Variants in NAA30 observed in about 807,000 individuals in gnomAD.
The protein encoded by NAA30 is N-alpha-acetyltransferase 30, NatC catalytic subunit.
In NAA30, 5 loss-of-function variants were observed where a neutral mutation model predicts 31.4. The ratio of observed to expected loss-of-function variants is 0.16; its 90% confidence interval spans 0.08 to 0.33. NAA30 has a LOEUF of 0.33. Among genes scored for constraint, NAA30 ranks in the 10% least tolerant of loss-of-function variants. The pLI is 1.00. For missense variants in NAA30, 428 were observed against 490.8 expected, an observed-to-expected ratio of 0.87 and a Z score of 1.21; for synonymous variants, 222 against 207.1, an observed-to-expected ratio of 1.07 and a Z score of -0.62.
chr14:57,412,892 A>G lies in NAA30; in HGVS notation c.*3376A>G, dbSNP rs573925222. ...AAGAGTTACGGGGAAGAAGTATTAC[A>G]TAATTGTCATCACTGTTGTGTGTTC... On this transcript the variant is annotated 3_prime_UTR_variant, in exon 5 of 5. Coordinates refer to ENST00000556492, the MANE Select transcript of NAA30 (RefSeq NM_001011713.3). 311 of 152,346 alleles carry G rather than the reference A, an allele frequency of 2.0e-3. 1 individual carries two copies. The highest frequency in any genetic ancestry group is 6.8e-3 in the African/African-American group (281 of 41,580). 9.4% of individuals were successfully genotyped at this position (152,346 alleles called of 1,614,324 possible). A position where few individuals can be genotyped will look rare whatever the true frequency, so the allele number is the denominator to read the frequency against.
Position 57,391,751 on chromosome 14 carries a change from G to C in NAA30, c.771+23G>C, listed in dbSNP as rs780899796. ...TTGGTAAGTGGATAGAATAAAAAGA[G>C]GGTGAACCCAGCAGTGATCGAGACT... On this transcript the variant is annotated intron_variant, in intron 2 of 4. Transcript: ENST00000556492. The surrounding 1 kb of genome is among the most constrained non-coding windows in gnomAD (Gnocchi z 4.1). 3 of 1,572,972 alleles carry C rather than the reference G, an allele frequency of 1.9e-6. No homozygotes were observed. Among genetic ancestry groups the C allele is most frequent in the East Asian group, 2.2e-5 (1 of 44,670 alleles).
In NAA30 at chr14:57,391,984, C is replaced by T. The variant is rs994624405; in HGVS notation, c.771+256C>T. Reference sequence around the variant, plus strand: ...TGGCGTGTTTCACTGGGGTGGGGGTCTTGTGTCTTGTTTACATTAGATTAT... The same window carrying T: ...TGGCGTGTTTCACTGGGGTGGGGGTTTTGTGTCTTGTTTACATTAGATTAT... On this transcript the variant is annotated intron_variant, in intron 2 of 4. Transcript: ENST00000556492. The surrounding 1 kb of genome is among the most constrained non-coding windows in gnomAD (Gnocchi z 4.1). 6.6e-6 allele frequency among the ~76,000 whole-genome samples: 1 copy of T among 152,064 alleles called. No individual in the cohort carries two copies. Among genetic ancestry groups the T allele is most frequent in the African/African-American group, 2.4e-5 (1 of 41,392 alleles).
At chr14:57,400,897 T>G (rs11620752) in intron 4 of NAA30, among the ~76,000 whole-genome samples, 107,202 of 141,114 alleles carry the variant, frequency 0.76, 42,392 homozygotes, top group Admixed American at 0.88. Context: ...TTTTTTTTTG[T>G]TTTTTTTTTG....
At position 57,412,172 on chromosome 14, in the gene NAA30, G is replaced by T. The variant is rs1184449865; in HGVS notation, c.*2656G>T. 1 of 152,076 alleles carries T rather than the reference G, an allele frequency of 6.6e-6. No individual in the cohort carries two copies. Among genetic ancestry groups the T allele is most frequent in the Non-Finnish European group, 1.5e-5 (1 of 67,988 alleles). 9.4% of individuals were successfully genotyped at this position (152,076 alleles called of 1,614,324 possible). On this transcript the variant is annotated 3_prime_UTR_variant, in exon 5 of 5. Coordinates refer to ENST00000556492, the MANE Select transcript of NAA30 (RefSeq NM_001011713.3). The stretch of plus-strand genomic sequence containing the variant: ...ATTGGGATGAAACTACTTTAGCAAA[G>T]TCCACAGATCAGAAACCAGACGGTA...
chr14:57,404,003 TTTTGTTTTGTTTG>T (rs1042901055), intron 4 of NAA30, among the ~76,000 whole-genome samples: 15 of 152,130 alleles, frequency 9.9e-5, no homozygotes, highest in African/African-American at 3.4e-4. Flanking sequence ...TTTTGTTTTG[TTTTGTTTTGTTTG>T]TTTGTTTTGT....
chr14:57,401,619 G>A (rs2066477551), intron 4 of NAA30, among the ~76,000 whole-genome samples: 1 of 152,198 alleles, frequency 6.6e-6, no homozygotes, highest in African/African-American at 2.4e-5. Flanking sequence ...AATAGATCAT[G>A]TTTTGATCTT....
At chr14:57,396,979 C>A in intron 3 of NAA30, 104 bp downstream of exon 3, 2 of 1,107,374 alleles carry the variant, frequency 1.8e-6, no homozygotes, top group Non-Finnish European at 2.5e-6. Context: ...ATGAAAGAAA[C>A]TAAGGGAAGA....
At chr14:57,403,949 A>G (rs565834826) in intron 4 of NAA30, among the ~76,000 whole-genome samples, 2 of 152,300 alleles carry the variant, frequency 1.3e-5, no homozygotes, top group South Asian at 4.1e-4. Context: ...TTTTTAAGCC[A>G]TTGATATCCT....
chr14:57,401,823 TTTA>T (rs1385529154), intron 4 of NAA30, among the ~76,000 whole-genome samples: 1 of 152,216 alleles, frequency 6.6e-6, no homozygotes, highest in African/African-American at 2.4e-5. Context: ...TATGAAGATT[TTTA>T]TTGTTTTGGT....
At chr14:57,397,599 AC>A (rs992477778) in intron 3 of NAA30, among the ~76,000 whole-genome samples, 3 of 152,122 alleles carry the variant, frequency 2.0e-5, no homozygotes, top group Non-Finnish European at 4.4e-5. Flanking sequence ...GGGTTAGATA[AC>A]TTTTGTCATT....
At chr14:57,395,487 C>G (rs1044622862) in intron 2 of NAA30, among the ~76,000 whole-genome samples, 4 of 152,128 alleles carry the variant, frequency 2.6e-5, no homozygotes, top group South Asian at 2.1e-4. Context: ...TTCTTACTGA[C>G]ACATTATTTA....
intron 4 of NAA30, among the ~76,000 whole-genome samples, chr14:57,401,799 G>T (rs2066478635): frequency 6.6e-6 from 1 of 152,206 alleles, no homozygotes; most frequent in African/African-American, 2.4e-5. Context: ...TTCATGTAAA[G>T]ATGTCAGGAA....
intron 2 of NAA30, 137 bp from the exon 3 acceptor site, chr14:57,396,615 T>G: frequency 1.3e-6 from 1 of 755,354 alleles, no homozygotes; most frequent in Non-Finnish European, 2.2e-6. Flanking sequence ...GAAACTTCTG[T>G]GACTGCTGTC....
At chr14:57,404,358 T>G (rs532383659) in intron 4 of NAA30, among the ~76,000 whole-genome samples, 1 of 152,120 alleles carries the variant, frequency 6.6e-6, no homozygotes, top group Non-Finnish European at 1.5e-5. Context: ...GGTCGATTAC[T>G]GTGAATATGA....
chr14:57,390,653 G>C lies in NAA30; in HGVS notation c.-54G>C, dbSNP rs920913027. 5.4e-6 allele frequency: 2 copies of C among 368,232 alleles called. No homozygotes were observed. Among genetic ancestry groups the C allele is most frequent in the Non-Finnish European group, 9.7e-6 (2 of 207,176 alleles). The allele number at this position is 368,232 out of a possible 1,614,324, so 22.8% of individuals were successfully genotyped here. On this transcript the variant is annotated 5_prime_UTR_variant, in exon 1 of 5. Coordinates refer to ENST00000556492, the MANE Select transcript of NAA30 (RefSeq NM_001011713.3). ...CTGCCGCGGCTGCGAAGGAGGCGGC[G>C]GCGGTGGCGGAGGAAGAGGAGTGGC...
In NAA30 at chr14:57,414,294, A is replaced by G. The variant is rs2066537740; in HGVS notation, c.*4778A>G. The G allele has an allele frequency of 6.6e-6, 1 of 152,238 alleles. No individual in the cohort carries two copies. Among genetic ancestry groups the G allele is most frequent in the Non-Finnish European group, 1.5e-5 (1 of 68,042 alleles). The allele number at this position is 152,238 out of a possible 1,614,324, so 9.4% of individuals were successfully genotyped here. A position where few individuals can be genotyped will look rare whatever the true frequency, so the allele number is the denominator to read the frequency against. ...GCAAGAGTATAGCTGAACTGTTTATACTGACAATATATTTCATTAATACAG... is the reference window on the plus strand; with the variant it reads ...GCAAGAGTATAGCTGAACTGTTTATGCTGACAATATATTTCATTAATACAG... On this transcript the variant is annotated 3_prime_UTR_variant, in exon 5 of 5. Coordinates refer to ENST00000556492, the MANE Select transcript of NAA30 (RefSeq NM_001011713.3).
Position 57,391,146 on chromosome 14 carries a change from G to C in NAA30, c.189G>C (p.Thr63=). Reference sequence around the variant, plus strand: ...GCCCGGCGGGCGGAGAGTCGGCGACGGTGGCGGCCAAGGGGCATCCGTGCC... The same window carrying C: ...GCCCGGCGGGCGGAGAGTCGGCGACCGTGGCGGCCAAGGGGCATCCGTGCC... ...SRSPAGGESA[T]VAAKGHPCLR... Residue 63 remains threonine (T), a synonymous_variant, in exon 2 of 5, where the codon ACG becomes ACC. Coordinates refer to ENST00000556492, the MANE Select transcript of NAA30 (RefSeq NM_001011713.3). This position sits in a 1 kb window ranked among gnomAD's most constrained non-coding sequence, Gnocchi z 4.1. 1 of 1,590,980 alleles carries C rather than the reference G, an allele frequency of 6.3e-7. No homozygotes were observed.
chr14:57,412,963 G>T lies in NAA30; in HGVS notation c.*3447G>T, dbSNP rs955834689. On this transcript the variant is annotated 3_prime_UTR_variant, in exon 5 of 5. Transcript: ENST00000556492. ...TAACATGAACTTGATTTTTCTAAAAGTACTCAGTCAACTCATATGTCAGTT... is the reference window on the plus strand; with the variant it reads ...TAACATGAACTTGATTTTTCTAAAATTACTCAGTCAACTCATATGTCAGTT... 1 of 152,182 alleles carries T rather than the reference G, an allele frequency of 6.6e-6. No homozygotes were observed. Among genetic ancestry groups the T allele is most frequent in the East Asian group, 1.9e-4 (1 of 5,202 alleles). 9.4% of individuals were successfully genotyped at this position (152,182 alleles called of 1,614,324 possible).
chr14:57,407,634 G>C (rs954402959), intron 4 of NAA30, among the ~76,000 whole-genome samples: 3 of 152,214 alleles, frequency 2.0e-5, no homozygotes, highest in African/African-American at 7.2e-5. Context: ...AGCAAGAAGA[G>C]AGAGACCTAA....
Sources: gnomAD v4.1 joint callset for allele counts (sites outside exome capture counted in the v4.1 genomes callset) on GRCh38, gnomAD v4.1.1 for gene constraint, Gnocchi (gnomAD v3.1) non-coding constraint, MANE v1.5 for transcripts, NCBI Gene and HGNC (gene_info 2026-07-23, HGNC 2026-07-21) for gene names.